Variants in TBP observed in about 807,000 individuals in gnomAD.
TBP encodes the protein TATA-box binding protein, also known as TATA-box-binding protein.
A neutral mutation model predicts 46.2 loss-of-function variants in TBP; 12 were observed. The ratio of observed to expected loss-of-function variants is 0.26; its 90% CI spans 0.17 to 0.42. TBP has a LOEUF of 0.42. Ranked by LOEUF, TBP falls within the 10% of genes least tolerant of loss-of-function variation. The pLI, the probability that TBP is intolerant of heterozygous loss-of-function variation, is 1.00. For synonymous variants in TBP, 157 were observed against 148.3 expected, an observed-to-expected ratio of 1.06 and a Z score of -0.42; for missense variants, 229 against 403.1, an observed-to-expected ratio of 0.57 and a Z score of 3.70.
chr6:170,562,120 A>G lies in TBP; in HGVS notation c.384A>G (p.Thr128=). Residue 128 remains threonine, a synonymous_variant, in exon 3 of 8, where the codon ACA becomes ACG. Coordinates refer to ENST00000392092, the MANE Select transcript of TBP (RefSeq NM_003194.5). ...AGCTCTTCCACTCACAGACTCTCAC[A>G]ACTGCACCCTTGCCGGGCACCACTC... ...APQLFHSQTL[T]TAPLPGTTPL... 1 of 1,614,002 alleles carries G rather than the reference A, an allele frequency of 6.2e-7. No homozygotes were observed.
intron 3 of TBP, 122 bp downstream of exon 3, chr6:170,562,355 C>G: frequency 8.6e-7 from 1 of 1,159,428 alleles, no homozygotes; most frequent in Non-Finnish European, 1.2e-6. Context: ...AATTGTGTAT[C>G]AAAATTTGCT....
intron 3 of TBP, among the ~76,000 whole-genome samples, chr6:170,563,019 C>G (rs1779177802): frequency 6.6e-6 from 1 of 152,148 alleles, no homozygotes; most frequent in South Asian, 2.1e-4. Flanking sequence ...TATCTCTCAT[C>G]ATTTTTGGAA....
intron 6 of TBP, among the ~76,000 whole-genome samples, chr6:170,570,028 G>C (rs1475758482): frequency 6.6e-6 from 1 of 152,076 alleles, no homozygotes; most frequent in African/African-American, 2.4e-5. Context: ...TTCTACTTCT[G>C]TATGTTTTAT....
chr6:170,572,160 A>G, intron 7 of TBP, 26 bp from the exon 8 acceptor site: 2 of 1,585,186 alleles, frequency 1.3e-6, no homozygotes, highest in Non-Finnish European at 1.7e-6. Context: ...TCAGTCTCTC[A>G]TCTCTACTCC....
At chr6:170,568,487 G>A (rs752917400) in intron 5 of TBP, among the ~76,000 whole-genome samples, 11 of 151,896 alleles carry the variant, frequency 7.2e-5, no homozygotes, top group African/African-American at 2.4e-4. Context: ...ATGGAGTCTC[G>A]CTCTGCGCCC....
chr6:170,564,557 C>T lies in TBP; in HGVS notation c.510C>T (p.Ser170=), dbSNP rs2114997178. The T allele has an allele frequency of 1.2e-6, 2 of 1,605,424 alleles. No individual in the cohort carries two copies. Among genetic ancestry groups the T allele is most frequent in the African/African-American group, 1.3e-5 (1 of 74,608 alleles). The change falls in exon 4 of 8, where the codon TCC becomes TCT. Residue 170 remains serine, a synonymous_variant. Transcript: ENST00000392092. ...GIVPQLQNIV[S]TVNLGCKLDL... The stretch of plus-strand genomic sequence containing the variant: ...AAATCTCTTACAGAAATATTGTATC[C>T]ACAGTGAATCTTGGTTGTAAACTTG...
chr6:170,571,259 A>G, intron 6 of TBP, 151 bp from the exon 7 acceptor site: 3 of 605,644 alleles, frequency 5.0e-6, no homozygotes, highest in Non-Finnish European at 8.7e-6. Flanking sequence ...TGCTTTAATT[A>G]TTCTATTCTA....
At chr6:170,568,579 C>T (rs914926885) in intron 5 of TBP, among the ~76,000 whole-genome samples, 15 of 151,792 alleles carry the variant, frequency 9.9e-5, no homozygotes, top group East Asian at 3.9e-4. Context: ...CTCAGCCTCC[C>T]GAGTAGCAGA....
chr6:170,555,069 C>T (rs1458922126), intron 1 of TBP, among the ~76,000 whole-genome samples: 1 of 152,062 alleles, frequency 6.6e-6, no homozygotes, highest in African/African-American at 2.4e-5. Flanking sequence ...TTGATTGCCT[C>T]CAAAAAATAT....
intron 2 of TBP, among the ~76,000 whole-genome samples, chr6:170,560,182 A>G (rs1420250957): frequency 2.6e-5 from 4 of 152,128 alleles, no homozygotes; most frequent in African/African-American, 7.2e-5. Flanking sequence ...TCAAGGAGTA[A>G]TTTCAACTTT....
rs141870984 is a variant in TBP at position 170,570,872 on chromosome 6, G to A, written c.846-538G>A. On this transcript the variant is annotated intron_variant, in intron 6 of 7. Coordinates refer to ENST00000392092, the MANE Select transcript of TBP (RefSeq NM_003194.5). ...TATATACCAATAGTCCATTCAGTCA[G>A]ACAGCTTAATCAGGTATAGGTTAAT... is the stretch of plus-strand genomic sequence containing the variant. Among the ~76,000 whole-genome samples, 141 of 152,134 alleles carry A rather than the reference G, an allele frequency of 9.3e-4. 1 individual carries two copies. Among genetic ancestry groups the A allele is most frequent in the East Asian group, 8.3e-3 (43 of 5,168 alleles).
At chr6:170,568,892 A>C (rs1779322072) in intron 5 of TBP, among the ~76,000 whole-genome samples, 1 of 124,364 alleles carries the variant, frequency 8.0e-6, no homozygotes, top group Non-Finnish European at 1.6e-5. Context: ...GGCTCACTGC[A>C]ACCTCCACCT....
chr6:170,556,221 G>A (rs1293676061), intron 1 of TBP, among the ~76,000 whole-genome samples: 1 of 152,168 alleles, frequency 6.6e-6, no homozygotes, highest in Non-Finnish European at 1.5e-5. Context: ...AGAATATGTT[G>A]TTATAAACTC....
intron 2 of TBP, among the ~76,000 whole-genome samples, chr6:170,558,319 T>C (rs1005976438): frequency 6.6e-6 from 1 of 152,216 alleles, no homozygotes; most frequent in Non-Finnish European, 1.5e-5. Context: ...GCATAAGAGA[T>C]TTAAGTTGCT....
intron 3 of TBP, among the ~76,000 whole-genome samples, chr6:170,563,261 A>G (rs1779182424): frequency 6.6e-6 from 1 of 152,196 alleles, no homozygotes; most frequent in African/African-American, 2.4e-5. Flanking sequence ...AATTATAAAC[A>G]GTACAGTCAG....
chr6:170,566,914 G>A lies in TBP; in HGVS notation c.586-4G>A. The A allele has an allele frequency of 6.2e-7, 1 of 1,612,346 alleles. No individual in the cohort carries two copies. Among genetic ancestry groups the A allele is most frequent in the Non-Finnish European group, 8.5e-7 (1 of 1,178,842 alleles). ...TCACTAATGATTCTCTCTGACCATT[G>A]TAGCGGTTTGCTGCGGTAATCATGA... On this transcript the variant is annotated splice_region_variant and splice_polypyrimidine_tract_variant and intron_variant, in intron 4 of 7. Transcript: ENST00000392092.
chr6:170,561,830 AT>A lies in TBP; in HGVS notation c.95del (p.Met32SerfsTer7). 6.2e-7 allele frequency: 1 copy of A among 1,613,070 alleles called. No homozygotes were observed. The highest frequency in any genetic ancestry group is 8.5e-7 in the Non-Finnish European group (1 of 1,179,172). Reference protein sequence around the residue: ...TPGIPIFSPMMPYGTGLTPQP... With the variant: ...TPGIPIFSPMXPYGTGLTPQP... ...CGGAATCCCTATCTTTAGTCCAATG[AT>A]GCCTTATGGCACTGGACTGACCCCA... On this transcript the variant is annotated frameshift_variant, in exon 3 of 8. Coordinates refer to ENST00000392092, the MANE Select transcript of TBP (RefSeq NM_003194.5). LOFTEE classifies it high-confidence loss of function.
chr6:170,557,130 G>GC (rs761751666), intron 2 of TBP, 47 bp downstream of exon 2: 1 of 1,541,104 alleles, frequency 6.5e-7, no homozygotes, highest in Non-Finnish European at 9.0e-7. Flanking sequence ...AATCTGAACT[G>GC]CAAGAGATGG....
At chr6:170,561,677 A>T in intron 2 of TBP, 114 bp from the exon 3 acceptor site, 1 of 1,513,028 alleles carries the variant, frequency 6.6e-7, no homozygotes, top group Non-Finnish European at 8.8e-7. Context: ...TAATAACCCC[A>T]TTATTCTCCG....
Sources: gnomAD v4.1 joint callset for allele counts (sites outside exome capture counted in the v4.1 genomes callset) on GRCh38, gnomAD v4.1.1 for gene constraint, MANE v1.5 for transcripts, NCBI Gene and HGNC (gene_info 2026-07-23, HGNC 2026-07-21) for gene names.